Variants in PPP2R3C observed in about 807,000 individuals in gnomAD.
PPP2R3C encodes the protein serine/threonine-protein phosphatase 2A regulatory subunit B'' subunit gamma.
Under a neutral mutation model 63.7 loss-of-function variants are expected in PPP2R3C, and 47 were observed. The observed-to-expected ratio is 0.74, with a 90% CI of 0.58 to 0.94. The LOEUF (loss-of-function observed/expected upper bound fraction) is 0.94, where lower values mean the gene tolerates loss of function less well. PPP2R3C is among the 40% of genes least tolerant of loss of function. PPP2R3C has a pLI of 0.00. For synonymous variants in PPP2R3C, 180 were observed against 177.4 expected, an observed-to-expected ratio of 1.01 and a Z score of -0.12; for missense variants, 421 against 518.4, an observed-to-expected ratio of 0.81 and a Z score of 1.82.
intron 11 of PPP2R3C, among the ~76,000 whole-genome samples, chr14:35,089,916 T>C (rs1202362601): frequency 6.6e-5 from 10 of 152,036 alleles, no homozygotes; most frequent in Non-Finnish European, 1.5e-4. Flanking sequence ...CCGCCCACCC[T>C]GGCCTCCCAA....
intron 2 of PPP2R3C, among the ~76,000 whole-genome samples, chr14:35,114,417 G>T (rs1209976125): frequency 1.3e-5 from 2 of 152,124 alleles, no homozygotes; most frequent in African/African-American, 2.4e-5. Context: ...ATTTGCACTT[G>T]AAGAAATATT....
intron 2 of PPP2R3C, among the ~76,000 whole-genome samples, chr14:35,114,447 C>T (rs2046650910): frequency 6.6e-6 from 1 of 152,110 alleles, no homozygotes; most frequent in Admixed American, 6.5e-5. Flanking sequence ...GGATAACTCA[C>T]TTATATAAAT....
chr14:35,091,010 G>A (rs758082041), intron 11 of PPP2R3C, 60 bp downstream of exon 11: 103 of 1,467,146 alleles, frequency 7.0e-5, no homozygotes, highest in Middle Eastern at 4.3e-4. Flanking sequence ...CCACTGCACC[G>A]GCAGCAACAA....
chr14:35,115,624 TTTTG>T (rs552332257), intron 2 of PPP2R3C, among the ~76,000 whole-genome samples: 68 of 151,496 alleles, frequency 4.5e-4, no homozygotes, highest in Non-Finnish European at 6.5e-4. Context: ...GAAATTCCTT[TTTTG>T]TTTGTTTGTT....
At position 35,107,284 on chromosome 14, in the gene PPP2R3C, T is replaced by C; in HGVS notation, c.573+20A>G. Reference sequence around the variant, plus strand: ...AGTGTCTATAAGAGTTAATATAATATCTATAAGGTTAACACTTACAGATTC... The same window carrying C: ...AGTGTCTATAAGAGTTAATATAATACCTATAAGGTTAACACTTACAGATTC... On this transcript the variant is annotated intron_variant, in intron 6 of 12. Transcript: ENST00000261475. 1.3e-6 allele frequency: 2 copies of C among 1,539,666 alleles called. No homozygotes were observed. Among genetic ancestry groups the C allele is most frequent in the South Asian group, 2.2e-5 (2 of 89,502 alleles).
At chr14:35,120,092 G>A (rs1051297732) in intron 1 of PPP2R3C, among the ~76,000 whole-genome samples, 7 of 151,676 alleles carry the variant, frequency 4.6e-5, no homozygotes, top group African/African-American at 1.7e-4. Flanking sequence ...GCCCGCCTCG[G>A]CCTCCCAAAG....
chr14:35,103,709 CAG>C (rs2046264328), intron 6 of PPP2R3C, among the ~76,000 whole-genome samples: 1 of 152,080 alleles, frequency 6.6e-6, no homozygotes, highest in Non-Finnish European at 1.5e-5. Context: ...TCTGGGCAAA[CAG>C]ATTGTCACAA....
chr14:35,089,552 C>T (rs570489132), intron 11 of PPP2R3C, among the ~76,000 whole-genome samples: 1 of 152,164 alleles, frequency 6.6e-6, no homozygotes, highest in South Asian at 2.1e-4. Flanking sequence ...TGGGGTTTCC[C>T]TGTGTTGCCC....
intron 1 of PPP2R3C, among the ~76,000 whole-genome samples, chr14:35,120,283 G>C (rs977606419): frequency 6.6e-6 from 1 of 151,706 alleles, no homozygotes; most frequent in South Asian, 2.1e-4. Flanking sequence ...TCGCTCGGTC[G>C]CCCAGGCCGG....
chr14:35,105,470 C>G (rs971544844), intron 6 of PPP2R3C, among the ~76,000 whole-genome samples: 3 of 151,670 alleles, frequency 2.0e-5, no homozygotes, highest in Admixed American at 1.3e-4. Context: ...CATGAGCCAC[C>G]GCGCCCAGCC....
intron 1 of PPP2R3C, among the ~76,000 whole-genome samples, chr14:35,118,242 G>A (rs1439882668): frequency 1.3e-5 from 2 of 152,130 alleles, no homozygotes; most frequent in Non-Finnish European, 2.9e-5. Flanking sequence ...AATGGCTAGA[G>A]GTGGAAATTA....
At chr14:35,100,042 CCT>C (rs1045983920) in intron 6 of PPP2R3C, 3 of 152,090 alleles carry the variant, frequency 2.0e-5, no homozygotes, top group African/African-American at 7.2e-5. Context: ...CCAGCCTTTC[CCT>C]CTTTTTACAC....
chr14:35,117,050 G>T (rs1433039653), intron 1 of PPP2R3C: 1 of 456,058 alleles, frequency 2.2e-6, no homozygotes, highest in Admixed American at 2.4e-5. Flanking sequence ...TTCATTCAAT[G>T]AAAAGAATTT....
chr14:35,110,122 T>C lies in PPP2R3C; in HGVS notation c.292-191A>G, dbSNP rs1259397856. 1.5e-5 allele frequency: 8 copies of C among 521,948 alleles called. No individual in the cohort carries two copies. The African/African-American group carries it at 1.5e-4, about 10-fold the overall frequency. 32.3% of individuals were successfully genotyped at this position (521,948 alleles called of 1,614,324 possible). On this transcript the variant is annotated intron_variant, in intron 3 of 12. Coordinates refer to ENST00000261475, the MANE Select transcript of PPP2R3C (RefSeq NM_017917.4). ...ATTTATTGAGTGCCTACTAAGCTTTTGATATACACTGCCTCTTTAATCCAC... is the reference window on the plus strand; with the variant it reads ...ATTTATTGAGTGCCTACTAAGCTTTCGATATACACTGCCTCTTTAATCCAC...
At chr14:35,115,439 G>C (rs2046681984) in intron 2 of PPP2R3C, among the ~76,000 whole-genome samples, 1 of 151,220 alleles carries the variant, frequency 6.6e-6, no homozygotes. Context: ...CAGGATTATA[G>C]GTGTGAGTCA....
chr14:35,090,950 T>C (rs901170436), intron 11 of PPP2R3C, 120 bp downstream of exon 11: 18 of 862,548 alleles, frequency 2.1e-5, no homozygotes, highest in Non-Finnish European at 2.9e-5. Context: ...CTCCTGACCT[T>C]GTGATCCACC....
intron 10 of PPP2R3C, among the ~76,000 whole-genome samples, chr14:35,094,569 C>A (rs2045935211): frequency 6.6e-6 from 1 of 151,516 alleles, no homozygotes; most frequent in Non-Finnish European, 1.5e-5. Flanking sequence ...TGCCCTGAGG[C>A]CATAATGCAG....
chr14:35,113,785 G>A (rs539192227), intron 2 of PPP2R3C, among the ~76,000 whole-genome samples: 6 of 152,226 alleles, frequency 3.9e-5, no homozygotes, highest in South Asian at 2.1e-4. Flanking sequence ...CAGGTGGCCC[G>A]CTGCTCAAGA....
At chr14:35,095,881 G>GAGTCAAAA (rs955120787) in intron 9 of PPP2R3C, among the ~76,000 whole-genome samples, 4 of 143,692 alleles carry the variant, frequency 2.8e-5, no homozygotes, top group Non-Finnish European at 6.0e-5. Context: ...AAAGCCAAAG[G>GAGTCAAAA]AGTCAAAAGA....
Sources: gnomAD v4.1 joint callset for allele counts (sites outside exome capture counted in the v4.1 genomes callset) on GRCh38, gnomAD v4.1.1 for gene constraint, MANE v1.5 for transcripts, NCBI Gene and HGNC (gene_info 2026-07-23, HGNC 2026-07-21) for gene names.